The following TPTE variants were observed in gnomAD, a reference collection of about 807,000 sequenced individuals.
The protein encoded by TPTE is putative tyrosine-protein phosphatase TPTE.
In TPTE, 59 loss-of-function variants were observed where a neutral mutation model predicts 84.1. The ratio of observed to expected loss-of-function variants is 0.70; its 90% CI spans 0.57 to 0.87. The LOEUF (loss-of-function observed/expected upper bound fraction) is 0.87, where lower values mean the gene tolerates loss of function less well. Among genes scored for constraint, TPTE ranks in the 40% least tolerant of loss-of-function variants. The pLI, the probability that TPTE is intolerant of heterozygous loss-of-function variation, is 0.00. For missense variants in TPTE, 382 were observed against 659.6 expected (o/e 0.58, Z 4.61); for synonymous variants, 130 against 223.5 (o/e 0.58, Z 3.73).
chr21:10,580,351 T>C (rs2075249981), intron 17 of TPTE, among the ~76,000 whole-genome samples: 2 of 152,312 alleles, frequency 1.3e-5, no homozygotes, highest in South Asian at 2.1e-4. Flanking sequence ...AAAAGCGTTT[T>C]AGTTTGATAC....
chr21:10,568,553 C>A (rs2074973077), intron 11 of TPTE, among the ~76,000 whole-genome samples: 1 of 152,310 alleles, frequency 6.6e-6, no homozygotes, highest in Non-Finnish European at 1.5e-5. Flanking sequence ...GTTCATGGGT[C>A]AAATAGCTGA....
At chr21:10,573,039 T>A (rs547868670) in intron 14 of TPTE, among the ~76,000 whole-genome samples, 1 of 151,464 alleles carries the variant, frequency 6.6e-6, no homozygotes, top group East Asian at 1.9e-4. Flanking sequence ...TTAAAAGATA[T>A]AGAGTTGGCT....
chr21:10,564,110 T>G (rs2074864828), intron 10 of TPTE, among the ~76,000 whole-genome samples: 1 of 151,978 alleles, frequency 6.6e-6, no homozygotes, highest in Admixed American at 6.5e-5. Context: ...GCCGAGATGG[T>G]GCCACTGCAC....
intron 3 of TPTE, among the ~76,000 whole-genome samples, chr21:10,533,896 G>A (rs535882487): frequency 1.1e-3 from 171 of 152,296 alleles, no homozygotes; most frequent in African/African-American, 4.1e-3. Context: ...ACTGCAAGCT[G>A]GCAATGTGGC....
chr21:10,528,484 A>G (rs1209579187), intron 3 of TPTE, among the ~76,000 whole-genome samples: 3 of 152,306 alleles, frequency 2.0e-5, no homozygotes, highest in African/African-American at 4.8e-5. Flanking sequence ...GATTCAAGGA[A>G]TTTTGTTGTT....
At chr21:10,545,845 A>T (rs1336712285) in intron 7 of TPTE, among the ~76,000 whole-genome samples, 1 of 151,820 alleles carries the variant, frequency 6.6e-6, no homozygotes, top group Non-Finnish European at 1.5e-5. Context: ...CTATATATAG[A>T]TATATTCTTT....
At chr21:10,560,483 A>T (rs1158085806) in intron 9 of TPTE, among the ~76,000 whole-genome samples, 4 of 152,312 alleles carry the variant, frequency 2.6e-5, no homozygotes, top group African/African-American at 9.6e-5. Flanking sequence ...GAGGTACTTT[A>T]GAGTTCAAGA....
chr21:10,573,789 C>A (rs1202583981), intron 14 of TPTE, among the ~76,000 whole-genome samples: 1 of 152,312 alleles, frequency 6.6e-6, no homozygotes, highest in Admixed American at 6.5e-5. Context: ...GCTGAATGGC[C>A]CCATGTGGTC....
At chr21:10,543,881 A>AATGG (rs1322573936) in intron 7 of TPTE, among the ~76,000 whole-genome samples, 7 of 152,420 alleles carry the variant, frequency 4.6e-5, no homozygotes, top group African/African-American at 1.7e-4. Context: ...GGAAAAAAAG[A>AATGG]ATGGAGCTAA....
chr21:10,521,815 C>T (rs1177140771), intron 1 of TPTE, 121 bp downstream of exon 1: 3 of 152,364 alleles, frequency 2.0e-5, no homozygotes, highest in African/African-American at 7.2e-5. Flanking sequence ...GAACCCCTCG[C>T]CCGCGGCTCC....
intron 7 of TPTE, among the ~76,000 whole-genome samples, chr21:10,544,584 C>T (rs1328210249): frequency 4.6e-5 from 7 of 152,304 alleles, no homozygotes; most frequent in Non-Finnish European, 7.3e-5. Context: ...CGGGGTTTCA[C>T]TATATTGGCC....
At chr21:10,522,410 C>CG (rs2073998146) in intron 1 of TPTE, among the ~76,000 whole-genome samples, 1 of 152,298 alleles carries the variant, frequency 6.6e-6, no homozygotes, top group South Asian at 2.1e-4. Context: ...GGTCGCCCCG[C>CG]GGGGCGGGTC....
intron 10 of TPTE, among the ~76,000 whole-genome samples, chr21:10,564,939 A>G (rs1419486721): frequency 4.6e-5 from 7 of 152,290 alleles, no homozygotes; most frequent in Non-Finnish European, 1.0e-4. Context: ...GCGATCTAGA[A>G]CACAATGAGG....
chr21:10,558,863 C>CA (rs1188523404), intron 8 of TPTE, among the ~76,000 whole-genome samples: 1 of 152,304 alleles, frequency 6.6e-6, no homozygotes, highest in Non-Finnish European at 1.5e-5. Flanking sequence ...TAAAATGAGG[C>CA]ATTATTGGAG....
intron 17 of TPTE, among the ~76,000 whole-genome samples, chr21:10,583,433 T>A (rs1020967008): frequency 6.6e-6 from 1 of 152,296 alleles, no homozygotes; most frequent in Non-Finnish European, 1.5e-5. Context: ...ATTATTCATC[T>A]TTTTTTCTCC....
intron 2 of TPTE, among the ~76,000 whole-genome samples, chr21:10,525,923 G>A (rs1220801790): frequency 6.6e-6 from 1 of 152,312 alleles, no homozygotes; most frequent in African/African-American, 2.4e-5. Flanking sequence ...CTTGTCACCT[G>A]AATCTGGAGT....
chr21:10,564,555 C>T (rs1428660835), intron 10 of TPTE, among the ~76,000 whole-genome samples: 2 of 152,294 alleles, frequency 1.3e-5, no homozygotes, highest in African/African-American at 4.8e-5. Flanking sequence ...AAACCAAAAC[C>T]AAAAACATGC....
chr21:10,570,570 A>C (rs767065728), intron 14 of TPTE, 21 bp downstream of exon 14: 3 of 1,613,978 alleles, frequency 1.9e-6, no homozygotes, highest in South Asian at 1.1e-5. Flanking sequence ...TTATCTGACA[A>C]ATACTCATTT....
intron 22 of TPTE, 22 bp from the exon 23 acceptor site, chr21:10,603,540 T>A: frequency 1.2e-6 from 2 of 1,604,840 alleles, no homozygotes; most frequent in Non-Finnish European, 1.7e-6. Flanking sequence ...AGTTTTACTT[T>A]GAAATTTTTT....
Sources: allele counts gnomAD v4.1 joint callset (sites outside exome capture counted in the v4.1 genomes callset), GRCh38; gene constraint gnomAD v4.1.1; transcripts MANE v1.5; gene names NCBI Gene and HGNC (gene_info 2026-07-23, HGNC 2026-07-21).